The following CLCA1 variants were observed in gnomAD, a reference collection of about 807,000 sequenced individuals.
The protein encoded by CLCA1 is calcium-activated chloride channel regulator 1.
In CLCA1, 59 loss-of-function variants were observed where a neutral mutation model predicts 85.6. That is an observed-to-expected ratio of 0.69 (90% CI 0.56 to 0.86). The LOEUF is 0.86. Among genes scored for constraint, CLCA1 ranks in the 40% least tolerant of loss-of-function variants. The pLI is 0.00. For missense variants in CLCA1, 1,022 were observed against 1,101.4 expected (o/e 0.93, Z 1.02); for synonymous variants, 396 against 398.3 (o/e 0.99, Z 0.07).
chr1:86,488,940 A>G (rs1319736216), intron 7 of CLCA1, 56 bp from the exon 8 acceptor site: 7 of 1,467,498 alleles, frequency 4.8e-6, no homozygotes, highest in African/African-American at 2.8e-5. Flanking sequence ...CAGAATTTTC[A>G]TAAACACTTT....
At chr1:86,480,521 G>C (rs942901252) in intron 4 of CLCA1, among the ~76,000 whole-genome samples, 1 of 152,144 alleles carries the variant, frequency 6.6e-6, no homozygotes, top group African/African-American at 2.4e-5. Context: ...TACTTGAGAG[G>C]CTGAGGTGGA....
intron 11 of CLCA1, among the ~76,000 whole-genome samples, chr1:86,494,881 A>G (rs1337526470): frequency 6.6e-6 from 1 of 152,166 alleles, no homozygotes; most frequent in Non-Finnish European, 1.5e-5. Context: ...AGGCTTTCAC[A>G]TTTAGAAAGC....
rs368527059 is a variant in CLCA1, at chr1:86,493,424, T to A, written c.1505T>A (p.Met502Lys). The A allele has an allele frequency of 3.1e-6, 5 of 1,613,972 alleles. No individual in the cohort carries two copies. The African/African-American group carries it at 6.7e-5, about 22-fold the overall frequency. The change falls in exon 10 of 14, where the codon ATG becomes AAG. Residue 502 changes from methionine (M) to lysine (K), a missense_variant. By Grantham distance (95) the Met-to-Lys change is moderately conservative (BLOSUM62 -1). Transcript: ENST00000394711. ...KGLTLQNSQW[M>K]NGTVIVDSTV... Reference sequence around the variant, plus strand: ...TTAACCCTCCAGAACAGCCAGTGGATGAATGGCACAGTGATCGTGGACAGC... The same window carrying A: ...TTAACCCTCCAGAACAGCCAGTGGAAGAATGGCACAGTGATCGTGGACAGC...
chr1:86,482,927 C>T (rs1391990535), intron 5 of CLCA1, among the ~76,000 whole-genome samples: 2 of 151,958 alleles, frequency 1.3e-5, no homozygotes, highest in Admixed American at 1.3e-4. Flanking sequence ...ATGAACTTGG[C>T]CAGTTATTGA....
rs186358775 is a variant in CLCA1 at position 86,487,191 on chromosome 1, G to T, written c.1182+438G>T. Among the ~76,000 whole-genome samples, 716 of 152,304 alleles carry T rather than the reference G, an allele frequency of 4.7e-3. 4 individuals carry two copies. Among genetic ancestry groups the T allele is most frequent in the Middle Eastern group, 0.01 (3 of 294 alleles). On this transcript the variant is annotated intron_variant, in intron 7 of 13. Transcript: ENST00000394711. The stretch of plus-strand genomic sequence containing the variant: ...GTGGTTTCTATTGCATACACAGTCA[G>T]CTATGAAACACTTCTCCAGATGCCT...
intron 7 of CLCA1, among the ~76,000 whole-genome samples, chr1:86,487,038 A>G (rs972281734): frequency 1.3e-5 from 2 of 152,210 alleles, no homozygotes; most frequent in South Asian, 4.1e-4. Flanking sequence ...CCAGTTTCCC[A>G]TGTGGCAGCA....
Position 86,486,584 on chromosome 1 carries a change from T to G in CLCA1, c.1013T>G (p.Val338Gly). ...GGCCAGCTTTTCCTGCTGCAGACAGTTGAGCTGGGGTCCTGGGTTGGGATG... is the reference window on the plus strand; with the variant it reads ...GGCCAGCTTTTCCTGCTGCAGACAGGTGAGCTGGGGTCCTGGGTTGGGATG... ...QAGQLFLLQT[V>G]ELGSWVGMVT... The change falls in exon 7 of 14, where the codon GTT (valine) becomes GGT (glycine). Residue 338 changes from valine to glycine, a missense_variant. Coordinates refer to ENST00000394711, the MANE Select transcript of CLCA1 (RefSeq NM_001285.4). 1 of 1,614,154 alleles carries G rather than the reference T, an allele frequency of 6.2e-7. No individual in the cohort carries two copies.
chr1:86,473,795 A>T lies in CLCA1; in HGVS notation c.370A>T (p.Asn124Tyr). The T allele has an allele frequency of 6.2e-7, 1 of 1,612,962 alleles. No individual in the cohort carries two copies. The highest frequency in any genetic ancestry group is 1.1e-5 in the South Asian group (1 of 90,936). The change falls in exon 3 of 14, where the codon AAC becomes TAC. Residue 124 changes from asparagine to tyrosine, a missense_variant. Physicochemically the swap from Asn to Tyr is moderately radical, Grantham distance 143. Coordinates refer to ENST00000394711, the MANE Select transcript of CLCA1 (RefSeq NM_001285.4). ...TGAACCCTACACTGAGCAGATGGGCAACTGTGGAGAGAAGGGTGAAAGGAT... is the reference window on the plus strand; with the variant it reads ...TGAACCCTACACTGAGCAGATGGGCTACTGTGGAGAGAAGGGTGAAAGGAT... Reference protein sequence around the residue: ...NDEPYTEQMGNCGEKGERIHL... With the variant: ...NDEPYTEQMGYCGEKGERIHL...
Position 86,495,626 on chromosome 1 carries a change from G to T in CLCA1, c.2064G>T (p.Val688=). The change falls in exon 12 of 14, where the codon GTG becomes GTT. Residue 688 remains valine, a synonymous_variant. Transcript: ENST00000394711. ...GAGTTAACGCAGCCAGACGGAGAGT[G>T]ATACCCCAGCAGAGTGGAGCACTGT... ...LGGVNAARRR[V]IPQQSGALYI... 1 of 1,614,140 alleles carries T rather than the reference G, an allele frequency of 6.2e-7. No homozygotes were observed. Among genetic ancestry groups the T allele is most frequent in the Non-Finnish European group, 8.5e-7 (1 of 1,179,998 alleles).
intron 6 of CLCA1, 48 bp downstream of exon 6, chr1:86,485,609 A>G (rs376555880): frequency 7.1e-6 from 11 of 1,543,720 alleles, no homozygotes; most frequent in Non-Finnish European, 9.9e-6. Context: ...ACAGATATGC[A>G]TGTTCTGGAC....
chr1:86,475,938 A>G (rs1055209395), intron 3 of CLCA1, among the ~76,000 whole-genome samples: 4 of 152,186 alleles, frequency 2.6e-5, no homozygotes, highest in Admixed American at 1.3e-4. Context: ...TGACTATTGC[A>G]GCAATTCAGG....
chr1:86,499,798 C>T lies in CLCA1; in HGVS notation c.2498C>T (p.Thr833Ile). Residue 833 changes from threonine (T) to isoleucine (I), a missense_variant, in exon 14 of 14, where the codon ACT (threonine) becomes ATT (isoleucine). Transcript: ENST00000394711. The part of the protein sequence containing the change: ...EVFLFKPENI[T>I]FENGTDLFIA... ...TTTTTGTTTAAACCAGAAAACATTACTTTTGAAAATGGCACAGATCTTTTC... is the reference window on the plus strand; with the variant it reads ...TTTTTGTTTAAACCAGAAAACATTATTTTTGAAAATGGCACAGATCTTTTC... 1 of 1,614,054 alleles carries T rather than the reference C, an allele frequency of 6.2e-7. No individual in the cohort carries two copies. Among genetic ancestry groups the T allele is most frequent in the Non-Finnish European group, 8.5e-7 (1 of 1,179,894 alleles).
chr1:86,485,082 T>G (rs1169093023), intron 5 of CLCA1, among the ~76,000 whole-genome samples: 3 of 151,930 alleles, frequency 2.0e-5, no homozygotes, highest in Admixed American at 6.6e-5. Flanking sequence ...TGGCTTGAAA[T>G]GGTAAATTTG....
At chr1:86,498,851 C>G in intron 13 of CLCA1, 40 bp downstream of exon 13, 1 of 1,581,682 alleles carries the variant, frequency 6.3e-7, no homozygotes, top group Non-Finnish European at 8.6e-7. Flanking sequence ...AAGAGTTTAC[C>G]AGCCAAGTAG....
chr1:86,491,354 T>C lies in CLCA1; in HGVS notation c.1447T>C (p.Ser483Pro). ...CCTTTCATCAGGAAATGGAGCTGTC[T>C]CTCAGCGCTCCATCCAGGTTGGAGT... ...GALSSGNGAV[S>P]QRSIQLESKG... is the part of the protein sequence containing the mutation. Residue 483 changes from serine (S) to proline (P), a missense_variant, in exon 9 of 14, where the codon TCT becomes CCT. Physicochemically the swap from Ser to Pro is moderately conservative, Grantham distance 74. Coordinates refer to ENST00000394711, the MANE Select transcript of CLCA1 (RefSeq NM_001285.4). 1 of 1,611,184 alleles carries C rather than the reference T, an allele frequency of 6.2e-7. No homozygotes were observed.
intron 4 of CLCA1, among the ~76,000 whole-genome samples, chr1:86,478,147 G>T (rs930925878): frequency 6.6e-6 from 1 of 152,024 alleles, no homozygotes; most frequent in Non-Finnish European, 1.5e-5. Flanking sequence ...ACATCAAGTG[G>T]GCCGGGCATG....
chr1:86,485,610 T>C (rs763293967), intron 6 of CLCA1, 49 bp downstream of exon 6: 5 of 1,535,232 alleles, frequency 3.3e-6, no homozygotes, highest in East Asian at 2.3e-5. Flanking sequence ...CAGATATGCA[T>C]GTTCTGGACC....
At chr1:86,480,046 A>G (rs1258409083) in intron 4 of CLCA1, among the ~76,000 whole-genome samples, 2 of 152,180 alleles carry the variant, frequency 1.3e-5, no homozygotes, top group Non-Finnish European at 2.9e-5. Flanking sequence ...CTCTTTTCCA[A>G]TTGGATGGAC....
intron 7 of CLCA1, 62 bp downstream of exon 7, chr1:86,486,815 C>A: frequency 6.9e-7 from 1 of 1,457,338 alleles, no homozygotes; most frequent in Non-Finnish European, 9.6e-7. Flanking sequence ...TAACAAACTT[C>A]CATTTCCAGT....
Sources: allele counts gnomAD v4.1 joint callset (sites outside exome capture counted in the v4.1 genomes callset), GRCh38; gene constraint gnomAD v4.1.1; transcripts MANE v1.5; gene names NCBI Gene and HGNC (gene_info 2026-07-23, HGNC 2026-07-21).